Variants in PMP22 observed in about 807,000 individuals in gnomAD.
The protein encoded by PMP22 is peripheral myelin protein 22, also known as Charcot-Marie-Tooth neuropathy 1A (greatly reduced nerve conduction velocity, hereditary motor sensory neuropathy Ia).
Under a neutral mutation model 18.9 loss-of-function variants are expected in PMP22, and 2 were observed. The observed-to-expected ratio is 0.11, with a 90% CI of 0.04 to 0.33. The LOEUF (loss-of-function observed/expected upper bound fraction) is 0.33, where lower values mean the gene tolerates loss of function less well. Among genes scored for constraint, PMP22 ranks in the 10% least tolerant of loss-of-function variants. The pLI, the probability that PMP22 is intolerant of heterozygous loss-of-function variation, is 1.00. For synonymous variants in PMP22, 95 were observed against 89.2 expected, an observed-to-expected ratio of 1.07 and a Z score of -0.37; for missense variants, 169 against 202.2, an observed-to-expected ratio of 0.84 and a Z score of 1.00.
Position 15,260,699 on chromosome 17 carries a change from A to T in PMP22, c.29T>A (p.Val10Asp). MLLLLLSII[V>D]LHVAVLVLLF... ...CAGCACCAGCACCGCGACGTGGAGG[A>T]CGATGATACTCAGCAACAGGAGGAG... Residue 10 changes from valine (V) to aspartate (D), a missense_variant, in exon 2 of 5, where the codon GTC becomes GAC. Physicochemically the swap from Val to Asp is radical, Grantham distance 152 (BLOSUM62 -3). Transcript: ENST00000312280. The T allele has an allele frequency of 6.4e-6, 10 of 1,553,772 alleles. No individual in the cohort carries two copies. Among genetic ancestry groups the T allele is most frequent in the Non-Finnish European group, 8.7e-6 (10 of 1,148,076 alleles).
chr17:15,233,355 C>G (rs1906513790), intron 4 of PMP22, among the ~76,000 whole-genome samples: 1 of 152,198 alleles, frequency 6.6e-6, no homozygotes. Context: ...GGACACTGAC[C>G]CTGTCCAGAC....
rs10693571 is a variant in PMP22 at position 15,264,253 on chromosome 17, GAT to G, written c.-35+899_-35+900del. Reference sequence around the variant, plus strand: ...AGGTAGATAGATAGATAGATAGATAGATATAGATAGATAGATAAAGATTTATA... The same window carrying G: ...AGGTAGATAGATAGATAGATAGATAGATAGATAGATAGATAAAGATTTATA... On this transcript the variant is annotated intron_variant, in intron 1 of 4. Transcript: ENST00000312280. 7.7e-3 allele frequency among the ~76,000 whole-genome samples: 438 copies of G among 56,978 alleles called. 2 individuals carry two copies. Among genetic ancestry groups the G allele is most frequent in the East Asian group, 0.034 (62 of 1,836 alleles). 37.4% of individuals were successfully genotyped at this position (56,978 alleles called of 152,430 possible).
chr17:15,260,615 G>T (rs1278927268), intron 2 of PMP22, 35 bp downstream of exon 2: 3 of 1,530,778 alleles, frequency 2.0e-6, no homozygotes. Context: ...GGGGAAGGGC[G>T]GGCCGCGCAG....
At chr17:15,250,151 C>T (rs139923913) in intron 3 of PMP22, among the ~76,000 whole-genome samples, 3,079 of 152,260 alleles carry the variant, frequency 0.02, 131 homozygotes, top group African/African-American at 0.069. Context: ...ATCTCCTGAC[C>T]TTGTAATCCG....
At chr17:15,259,400 C>T (rs1416766962) in intron 2 of PMP22, among the ~76,000 whole-genome samples, 2 of 152,096 alleles carry the variant, frequency 1.3e-5, no homozygotes, top group East Asian at 3.9e-4. Flanking sequence ...CGATTATGTG[C>T]AGAGATGTTT....
At position 15,253,705 on chromosome 17, in the gene PMP22, G is replaced by A. The variant is rs150316331; in HGVS notation, c.178+5389C>T. On this transcript the variant is annotated intron_variant, in intron 3 of 4. Coordinates refer to ENST00000312280, the MANE Select transcript of PMP22 (RefSeq NM_000304.4). ...GCCCTGCCCTCTGTCCCTCAACTAC[G>A]CCAAGCTCCTTCCCTCCCCAGCGAT... Among the ~76,000 whole-genome samples, 35 of 151,856 alleles carry A rather than the reference G, an allele frequency of 2.3e-4. No homozygotes were observed. The South Asian group carries it at 4.6e-3, about 20-fold the overall frequency.
In PMP22 at chr17:15,231,043, C is replaced by T; in HGVS notation, c.357G>A (p.Val119=). The part of the protein sequence containing the change: ...CVMSAAAIYT[V]RHPEWHLNSD... The stretch of plus-strand genomic sequence containing the variant: ...AGTTGAGATGCCACTCCGGGTGCCT[C>T]ACCGTGTAGATGGCCGCAGCACTCA... Residue 119 remains valine (V), a synonymous_variant, in exon 5 of 5, where the codon GTG becomes GTA. Coordinates refer to ENST00000312280, the MANE Select transcript of PMP22 (RefSeq NM_000304.4). The T allele has an allele frequency of 6.2e-7, 1 of 1,614,098 alleles. No individual in the cohort carries two copies. Among genetic ancestry groups the T allele is most frequent in the Non-Finnish European group, 8.5e-7 (1 of 1,180,028 alleles).
chr17:15,260,608 G>A (rs1909230224), intron 2 of PMP22, 42 bp downstream of exon 2: 1 of 1,507,366 alleles, frequency 6.6e-7, no homozygotes, highest in African/African-American at 1.4e-5. Flanking sequence ...CCCAGATGGG[G>A]AAGGGCGGGC....
intron 3 of PMP22, among the ~76,000 whole-genome samples, chr17:15,257,251 C>A (rs761616194): frequency 6.6e-6 from 1 of 152,220 alleles, no homozygotes; most frequent in Non-Finnish European, 1.5e-5. Flanking sequence ...CTATTTCCAA[C>A]GGCAGAAGAC....
chr17:15,248,124 G>T (rs1907993017), intron 3 of PMP22, among the ~76,000 whole-genome samples: 1 of 152,184 alleles, frequency 6.6e-6, no homozygotes. Context: ...GCCCAGCGTG[G>T]GTCTTGCCCC....
rs1454262115 is a variant in PMP22, at chr17:15,230,817, T to C, written c.*100A>G. The C allele has an allele frequency of 7.5e-7, 1 of 1,328,298 alleles. No individual in the cohort carries two copies. Among genetic ancestry groups the C allele is most frequent in the African/African-American group, 1.4e-5 (1 of 69,468 alleles). The allele number at this position is 1,328,298 out of a possible 1,614,324, so 82.3% of individuals were successfully genotyped here. A position where few individuals can be genotyped will look rare whatever the true frequency, so the allele number is the denominator to read the frequency against. Reference sequence around the variant, plus strand: ...CTTTCTGTTTGGTTTGGTTTGAGTTTGGGATTTTGGGCTAGCTCTTTTTTC... The same window carrying C: ...CTTTCTGTTTGGTTTGGTTTGAGTTCGGGATTTTGGGCTAGCTCTTTTTTC... On this transcript the variant is annotated 3_prime_UTR_variant, in exon 5 of 5. Coordinates refer to ENST00000312280, the MANE Select transcript of PMP22 (RefSeq NM_000304.4).
At chr17:15,254,319 G>C (rs1002847391) in intron 3 of PMP22, among the ~76,000 whole-genome samples, 5 of 152,124 alleles carry the variant, frequency 3.3e-5, no homozygotes, top group African/African-American at 1.2e-4. Context: ...AACTAGTTAG[G>C]AGGCTGCCCT....
intron 4 of PMP22, among the ~76,000 whole-genome samples, chr17:15,233,777 C>T (rs1567700531): frequency 1.3e-5 from 2 of 152,094 alleles, no homozygotes. Flanking sequence ...GATGGAATTT[C>T]GAGAGAGGGA....
intron 4 of PMP22, among the ~76,000 whole-genome samples, chr17:15,232,139 G>A (rs1425626724): frequency 2.6e-5 from 4 of 151,910 alleles, no homozygotes; most frequent in East Asian, 1.9e-4. Context: ...CCCCCCCACC[G>A]CCCGGCCACC....
chr17:15,259,670 G>A lies in PMP22; in HGVS notation c.79-477C>T, dbSNP rs571202587. ...AAAATCATGCTTACAGGCCGGGCAC[G>A]GTGGCTCACACCTGTAATCCCAGCA... On this transcript the variant is annotated intron_variant, in intron 2 of 4. Coordinates refer to ENST00000312280, the MANE Select transcript of PMP22 (RefSeq NM_000304.4). Among the ~76,000 whole-genome samples the A allele has an allele frequency of 1.1e-4, 17 of 151,922 alleles. 1 individual carries two copies. Among genetic ancestry groups the A allele is most frequent in the South Asian group, 1.0e-3 (5 of 4,770 alleles).
intron 4 of PMP22, among the ~76,000 whole-genome samples, chr17:15,234,765 C>G (rs1906643635): frequency 6.6e-6 from 1 of 151,898 alleles, no homozygotes; most frequent in Admixed American, 6.6e-5. Context: ...TTGAATCACT[C>G]TGAACAGGAT....
intron 2 of PMP22, among the ~76,000 whole-genome samples, chr17:15,259,938 C>CAAAAA (rs61415317): frequency 2.7e-4 from 26 of 97,638 alleles, no homozygotes; most frequent in Non-Finnish European, 4.2e-4. Flanking sequence ...GACTCCATCT[C>CAAAAA]AAAAAAAAAA....
At chr17:15,235,171 A>C in intron 4 of PMP22, 1 of 716,700 alleles carries the variant, frequency 1.4e-6, no homozygotes. Context: ...TTCTATTAAC[A>C]AAACAAATGA....
At chr17:15,238,615 A>G in intron 4 of PMP22, among the ~76,000 whole-genome samples, 1 of 152,258 alleles carries the variant, frequency 6.6e-6, no homozygotes, top group East Asian at 1.9e-4. Flanking sequence ...CAGTAAGTCA[A>G]CAGACAGACA....
Sources: gnomAD v4.1 joint callset for allele counts (sites outside exome capture counted in the v4.1 genomes callset) on GRCh38, gnomAD v4.1.1 for gene constraint, MANE v1.5 for transcripts, NCBI Gene and HGNC (gene_info 2026-07-23, HGNC 2026-07-21) for gene names.